The following PPP2R2A variants were observed in gnomAD, a reference collection of about 807,000 sequenced individuals.
The protein encoded by PPP2R2A is serine/threonine-protein phosphatase 2A 55 kDa regulatory subunit B alpha isoform.
Under a neutral mutation model 53.2 loss-of-function variants are expected in PPP2R2A, and 9 were observed. The observed-to-expected ratio is 0.17, with a 90% CI of 0.10 to 0.30. The LOEUF is 0.30. Among genes scored for constraint, PPP2R2A ranks in the 10% least tolerant of loss-of-function variants. The probability of loss-of-function intolerance (pLI) is 1.00; values close to 1 mark genes in which losing one functional copy is unlikely to be tolerated. For missense variants in PPP2R2A, 235 were observed against 534.6 expected (o/e 0.44, Z 5.53); for synonymous variants, 169 against 174.2 (o/e 0.97, Z 0.23).
chr8:26,296,760 G>C (rs757600672), intron 2 of PPP2R2A, among the ~76,000 whole-genome samples: 1 of 152,158 alleles, frequency 6.6e-6, no homozygotes, highest in Non-Finnish European at 1.5e-5. Context: ...TTTTGAAAGG[G>C]GAAGAGAAAT....
At position 26,311,527 on chromosome 8, in the gene PPP2R2A, G is replaced by T. The variant is rs577814253; in HGVS notation, c.82+17787G>T. On this transcript the variant is annotated intron_variant, in intron 2 of 9. Coordinates refer to ENST00000380737, the MANE Select transcript of PPP2R2A (RefSeq NM_002717.4). The stretch of plus-strand genomic sequence containing the variant: ...AATTTAAAATTATTGTGCTGAGCCG[G>T]GCACGGTGGTGCAAGCATGTAATCC... 5.9e-5 allele frequency among the ~76,000 whole-genome samples: 9 copies of T among 152,178 alleles called. 1 individual carries two copies. In the South Asian group the frequency reaches 1.9e-3, roughly 32 times the overall value.
chr8:26,327,499 A>G (rs1015290008), intron 2 of PPP2R2A, among the ~76,000 whole-genome samples: 1 of 152,210 alleles, frequency 6.6e-6, no homozygotes, highest in Non-Finnish European at 1.5e-5. Context: ...CTTGCTTTTC[A>G]GGGCGTTACA....
intron 3 of PPP2R2A, among the ~76,000 whole-genome samples, chr8:26,346,722 T>C (rs1804236659): frequency 6.6e-6 from 1 of 152,256 alleles, no homozygotes; most frequent in African/African-American, 2.4e-5. Context: ...GCATATTTCT[T>C]AGTGTCTAGT....
chr8:26,296,639 T>A (rs1801550904), intron 2 of PPP2R2A, among the ~76,000 whole-genome samples: 1 of 152,248 alleles, frequency 6.6e-6, no homozygotes, highest in South Asian at 2.1e-4. Flanking sequence ...TAGGACTGAT[T>A]TATCTTCGTA....
chr8:26,345,574 A>G (rs1804169984), intron 3 of PPP2R2A, among the ~76,000 whole-genome samples: 1 of 152,130 alleles, frequency 6.6e-6, no homozygotes, highest in African/African-American at 2.4e-5. Flanking sequence ...AGTTTTCTGT[A>G]TCACCATCTC....
chr8:26,363,644 G>C, intron 7 of PPP2R2A, 77 bp from the exon 8 acceptor site: 1 of 1,271,342 alleles, frequency 7.9e-7, no homozygotes, highest in Non-Finnish European at 1.0e-6. Flanking sequence ...TTTGTGAATG[G>C]TTGTTTAGGA....
chr8:26,333,368 C>T, intron 2 of PPP2R2A: 2 of 307,792 alleles, frequency 6.5e-6, no homozygotes, highest in Non-Finnish European at 1.0e-5. Flanking sequence ...TTTCATTTGA[C>T]AGCTTTGGTA....
intron 2 of PPP2R2A, among the ~76,000 whole-genome samples, chr8:26,312,492 A>G (rs1396105642): frequency 6.6e-6 from 1 of 152,182 alleles, no homozygotes; most frequent in Non-Finnish European, 1.5e-5. Flanking sequence ...CTAGTAGCTT[A>G]ATTTTTTTAC....
chr8:26,357,232 ATAT>A (rs1050286539), intron 4 of PPP2R2A, among the ~76,000 whole-genome samples: 1 of 147,778 alleles, frequency 6.8e-6, no homozygotes, highest in Middle Eastern at 3.3e-3. Context: ...GATATCTTTT[ATAT>A]TATTTTGTGT....
intron 2 of PPP2R2A, among the ~76,000 whole-genome samples, chr8:26,323,945 T>C (rs1005793660): frequency 6.6e-6 from 1 of 152,248 alleles, no homozygotes; most frequent in Admixed American, 6.5e-5. Flanking sequence ...CCAGTTTTCA[T>C]TGTTTTCACA....
chr8:26,347,049 A>G (rs571782077), intron 3 of PPP2R2A, among the ~76,000 whole-genome samples: 1 of 152,352 alleles, frequency 6.6e-6, no homozygotes, highest in Admixed American at 6.5e-5. Flanking sequence ...TTTGCATTAA[A>G]TTCCCAAAGT....
At chr8:26,326,527 A>G (rs756741035) in intron 2 of PPP2R2A, among the ~76,000 whole-genome samples, 5 of 152,226 alleles carry the variant, frequency 3.3e-5, no homozygotes, top group Non-Finnish European at 5.9e-5. Context: ...ACCAAGAAAG[A>G]TGGATAGTGA....
At chr8:26,309,473 A>G (rs763044857) in intron 2 of PPP2R2A, among the ~76,000 whole-genome samples, 3 of 152,206 alleles carry the variant, frequency 2.0e-5, no homozygotes, top group Non-Finnish European at 4.4e-5. Context: ...ATTGGCCTCA[A>G]CTTAAAGTCA....
At chr8:26,309,495 T>C (rs1451117796) in intron 2 of PPP2R2A, among the ~76,000 whole-genome samples, 1 of 152,202 alleles carries the variant, frequency 6.6e-6, no homozygotes, top group East Asian at 1.9e-4. Context: ...CCAGCTGCAT[T>C]AGCCCCTAAC....
intron 8 of PPP2R2A, chr8:26,365,079 G>C (rs1025889793): frequency 1.3e-5 from 2 of 152,136 alleles, no homozygotes; most frequent in African/African-American, 4.8e-5. Context: ...TCATACTGAT[G>C]TATAGTGAGA....
intron 1 of PPP2R2A, chr8:26,293,257 A>C: frequency 2.0e-6 from 3 of 1,535,854 alleles, no homozygotes; most frequent in Non-Finnish European, 1.7e-6. Flanking sequence ...ATGTTCCCGA[A>C]GTTTTCTCTT....
rs1322114733 is a variant in PPP2R2A at position 26,338,447 on chromosome 8, A to T, written c.83-443A>T. On this transcript the variant is annotated intron_variant, in intron 2 of 9. Coordinates refer to ENST00000380737, the MANE Select transcript of PPP2R2A (RefSeq NM_002717.4). The surrounding 1 kb of genome is among the most constrained non-coding windows in gnomAD (Gnocchi z 4.5). ...AATTTATGACTTAAAATTCCATCTA[A>T]AAGTATTTTTACATTTAAAATTCCC... Among the ~76,000 whole-genome samples, 1 of 152,216 alleles carries T rather than the reference A, an allele frequency of 6.6e-6. No homozygotes were observed. Among genetic ancestry groups the T allele is most frequent in the Non-Finnish European group, 1.5e-5 (1 of 68,028 alleles).
At chr8:26,335,005 C>T (rs1803582694) in intron 2 of PPP2R2A, among the ~76,000 whole-genome samples, 1 of 152,072 alleles carries the variant, frequency 6.6e-6, no homozygotes, top group East Asian at 1.9e-4. Context: ...TAAAAAGCAG[C>T]GATGTTTGTA....
Position 26,338,774 on chromosome 8 carries a change from A to G in PPP2R2A, c.83-116A>G, listed in dbSNP as rs1803794464. ...GTTATTTCTGATGGGTGGTTGATGT[A>G]CTTCAAAGATATACTTCATAGACTT... On this transcript the variant is annotated intron_variant, in intron 2 of 9. Transcript: ENST00000380737. This position sits in a 1 kb window ranked among gnomAD's most constrained non-coding sequence, Gnocchi z 4.5. 1.7e-6 allele frequency: 1 copy of G among 584,810 alleles called. No homozygotes were observed. The highest frequency in any genetic ancestry group is 3.5e-5 in the Admixed American group (1 of 28,638). The allele number at this position is 584,810 out of a possible 1,614,324, so 36.2% of individuals were successfully genotyped here.
Sources: gnomAD v4.1 joint callset for allele counts (sites outside exome capture counted in the v4.1 genomes callset) on GRCh38, gnomAD v4.1.1 for gene constraint, Gnocchi (gnomAD v3.1) non-coding constraint, MANE v1.5 for transcripts, NCBI Gene and HGNC (gene_info 2026-07-23, HGNC 2026-07-21) for gene names.